The following RARG variants were observed in gnomAD, a reference collection of about 807,000 sequenced individuals.
The protein encoded by RARG is RAR-gamma.
RARG carries 17 observed loss-of-function variants against 43.7 expected under a neutral mutation model. That is an observed-to-expected ratio of 0.39 (90% CI 0.27 to 0.58). The LOEUF is 0.58. RARG is among the 20% of genes least tolerant of loss of function. RARG has a pLI of 0.57. For missense variants in RARG, 346 were observed against 598.7 expected (o/e 0.58, Z 4.40); for synonymous variants, 238 against 236.4 (o/e 1.01, Z -0.06).
Position 53,212,575 on chromosome 12 carries a change from C to G in RARG, c.1177+510G>C, listed in dbSNP as rs1482461042. Among the ~76,000 whole-genome samples, 3 of 152,150 alleles carry G rather than the reference C, an allele frequency of 2.0e-5. No individual in the cohort carries two copies. In the South Asian group the frequency reaches 6.2e-4, roughly 32 times the overall value. On this transcript the variant is annotated intron_variant, in intron 9 of 9. Transcript: ENST00000425354. Reference sequence around the variant, plus strand: ...CTTTCTGCCTCAGCCTCCTGAGTAGCTGGAACTACAGATGTGCACCATGGT... The same window carrying G: ...CTTTCTGCCTCAGCCTCCTGAGTAGGTGGAACTACAGATGTGCACCATGGT...
At chr12:53,212,200 C>G (rs1942610063) in intron 9 of RARG, among the ~76,000 whole-genome samples, 1 of 152,348 alleles carries the variant, frequency 6.6e-6, no homozygotes, top group East Asian at 1.9e-4. Flanking sequence ...TGTTCCTAGT[C>G]CTGTTCTCTT....
At chr12:53,222,368 A>G (rs1463975164) in intron 3 of RARG, among the ~76,000 whole-genome samples, 1 of 152,208 alleles carries the variant, frequency 6.6e-6, no homozygotes. Flanking sequence ...AACAACAAAA[A>G]CAGTTAAGTG....
chr12:53,212,948 A>G (rs928504091), intron 9 of RARG, 137 bp downstream of exon 9: 4 of 1,094,516 alleles, frequency 3.7e-6, no homozygotes, highest in South Asian at 1.7e-5. Flanking sequence ...TCCCACTACT[A>G]TGTGGCAGAG....
chr12:53,218,697 A>T (rs932882410), intron 3 of RARG, among the ~76,000 whole-genome samples: 2 of 151,768 alleles, frequency 1.3e-5, no homozygotes, highest in Admixed American at 6.6e-5. Context: ...AAAAAAAAAA[A>T]TCCGAACTTG....
chr12:53,228,269 G>T (rs1227898517), intron 2 of RARG, among the ~76,000 whole-genome samples: 1 of 152,170 alleles, frequency 6.6e-6, no homozygotes, highest in Non-Finnish European at 1.5e-5. Context: ...GCTAGCTGTG[G>T]GACTTCAGGC....
At chr12:53,219,813 C>G in intron 3 of RARG, 1 of 765,532 alleles carries the variant, frequency 1.3e-6, no homozygotes, top group Non-Finnish European at 2.0e-6. Flanking sequence ...GAGGCCCCCA[C>G]GTTTAAAGGG....
At chr12:53,220,196 G>A (rs754182141) in intron 3 of RARG, 10 of 1,548,316 alleles carry the variant, frequency 6.5e-6, no homozygotes, top group South Asian at 1.2e-5. Context: ...TCCAGCAGGG[G>A]GGGAGGGGGA....
chr12:53,220,733 G>A (rs1435773692), intron 3 of RARG, among the ~76,000 whole-genome samples: 2 of 152,134 alleles, frequency 1.3e-5, no homozygotes, highest in African/African-American at 2.4e-5. Context: ...GGAAGAAGGA[G>A]AGGAGGAACC....
At chr12:53,219,672 T>C (rs1338493783) in intron 3 of RARG, among the ~76,000 whole-genome samples, 2 of 152,134 alleles carry the variant, frequency 1.3e-5, no homozygotes, top group Non-Finnish European at 2.9e-5. Context: ...AGGCGCAAAC[T>C]ACCCACACAC....
In RARG at chr12:53,211,993, C is replaced by T. The variant is rs773940553; in HGVS notation, c.1178-130G>A. ...GCCCAGCACAGGCCCACCACCTCTC[C>T]GTCCCCAGCTCATCCTCTTCTCACT... is the stretch of plus-strand genomic sequence containing the variant. On this transcript the variant is annotated intron_variant, in intron 9 of 9. Transcript: ENST00000425354. This position sits in a 1 kb window ranked among gnomAD's most constrained non-coding sequence, Gnocchi z 4.6. 1.2e-5 allele frequency: 7 copies of T among 571,884 alleles called. No individual in the cohort carries two copies. The highest frequency in any genetic ancestry group is 1.6e-5 in the Non-Finnish European group (6 of 377,240). 35.4% of individuals were successfully genotyped at this position (571,884 alleles called of 1,614,324 possible).
At chr12:53,229,921 T>C (rs1174486395) in intron 2 of RARG, 1 of 960,756 alleles carries the variant, frequency 1.0e-6, no homozygotes, top group Non-Finnish European at 1.2e-6. Context: ...CAAGGAATGA[T>C]GCTGCATGTG....
At chr12:53,217,278 G>T (rs757509900) in intron 3 of RARG, among the ~76,000 whole-genome samples, 1 of 152,144 alleles carries the variant, frequency 6.6e-6, no homozygotes, top group East Asian at 1.9e-4. Flanking sequence ...CTCCAGGAGG[G>T]GCTGGTGCTG....
At chr12:53,230,367 G>A (rs113755181) in intron 2 of RARG, among the ~76,000 whole-genome samples, 49 of 152,086 alleles carry the variant, frequency 3.2e-4, no homozygotes, top group Non-Finnish European at 2.2e-4. Flanking sequence ...CGCCCTGCCC[G>A]CTCCAGAGCC....
intron 6 of RARG, 33 bp downstream of exon 6, chr12:53,214,413 C>G (rs747934475): frequency 6.2e-7 from 1 of 1,600,350 alleles, no homozygotes; most frequent in Non-Finnish European, 8.6e-7. Context: ...GTGAAGAGTG[C>G]CCTGCCCTCA....
intron 3 of RARG, among the ~76,000 whole-genome samples, chr12:53,225,578 C>T (rs1032192286): frequency 6.6e-6 from 1 of 152,218 alleles, no homozygotes; most frequent in Non-Finnish European, 1.5e-5. Context: ...TGTCTCTGCG[C>T]TCGTGGAGCC....
rs1383602353 is a variant in RARG at position 53,224,929 on chromosome 12, CAG to C, written c.184+2431_184+2432del. On this transcript the variant is annotated intron_variant, in intron 3 of 9. Coordinates refer to ENST00000425354, the MANE Select transcript of RARG (RefSeq NM_000966.6). ...CCTTGATCTCAGTGTGTCCATGGCA[CAG>C]GGGCGCAAGGGGGACGTCACTGGGG... is the stretch of plus-strand genomic sequence containing the variant. Among the ~76,000 whole-genome samples, 3 of 152,176 alleles carry C rather than the reference CAG, an allele frequency of 2.0e-5. No homozygotes were observed. The East Asian group carries it at 5.8e-4, about 29-fold the overall frequency.
intron 2 of RARG, among the ~76,000 whole-genome samples, chr12:53,230,594 G>A (rs1943209043): frequency 1.3e-5 from 2 of 151,998 alleles, no homozygotes; most frequent in Admixed American, 1.3e-4. Context: ...AGACCCTTGA[G>A]TCTCCACCTC....
rs1463028450 is a variant in RARG, at chr12:53,222,298, AG to A, written c.184+5063del. Among the ~76,000 whole-genome samples, 13 of 93,410 alleles carry A rather than the reference AG, an allele frequency of 1.4e-4. No individual in the cohort carries two copies. In the Middle Eastern group the frequency reaches 0.02, roughly 145 times the overall value. 61.3% of individuals were successfully genotyped at this position (93,410 alleles called of 152,430 possible). ...AAGAAAGAGAAAGGAGGAGAAAGAA[AG>A]AGAGAGAGAGAGAGAGAAAGAAAGA... On this transcript the variant is annotated intron_variant, in intron 3 of 9. Coordinates refer to ENST00000425354, the MANE Select transcript of RARG (RefSeq NM_000966.6).
Position 53,213,903 on chromosome 12 carries a change from G to A in RARG, c.813+156C>T. 9.1e-7 allele frequency: 1 copy of A among 1,103,930 alleles called. No individual in the cohort carries two copies. 68.4% of individuals were successfully genotyped at this position (1,103,930 alleles called of 1,614,324 possible). ...CAGGGCATCCAAAAGTCTAGGATCA[G>A]GTCATAGGGGCAGAGGCTAAGACGA... is the stretch of plus-strand genomic sequence containing the variant. On this transcript the variant is annotated intron_variant, in intron 7 of 9. Coordinates refer to ENST00000425354, the MANE Select transcript of RARG (RefSeq NM_000966.6). This position sits in a 1 kb window ranked among gnomAD's most constrained non-coding sequence, Gnocchi z 4.7.
Sources: allele counts gnomAD v4.1 joint callset (sites outside exome capture counted in the v4.1 genomes callset), GRCh38; gene constraint gnomAD v4.1.1; non-coding constraint Gnocchi (gnomAD v3.1); transcripts MANE v1.5; gene names NCBI Gene and HGNC (gene_info 2026-07-23, HGNC 2026-07-21).